The following GPC6 variants were observed in gnomAD, a reference collection of about 807,000 sequenced individuals.
GPC6 encodes the protein glypican 6, also known as glypican-6.
In GPC6, 14 loss-of-function variants were observed where a neutral mutation model predicts 55.2. That is an observed-to-expected ratio of 0.25 (90% confidence interval 0.17 to 0.40). The LOEUF is 0.40. Ranked by LOEUF, GPC6 falls within the 10% of genes least tolerant of loss-of-function variation. The pLI, the probability that GPC6 is intolerant of heterozygous loss-of-function variation, is 1.00. For synonymous variants in GPC6, 278 were observed against 259.6 expected (o/e 1.07, Z -0.68); for missense variants, 641 against 708.5 (o/e 0.90, Z 1.08).
At chr13:94,060,237 T>A (rs1183155237) in intron 4 of GPC6, among the ~76,000 whole-genome samples, 3 of 152,166 alleles carry the variant, frequency 2.0e-5, no homozygotes, top group South Asian at 2.1e-4. Context: ...CCTCTGCTTC[T>A]TTTATCCATA....
At chr13:93,846,877 C>T (rs1161555989) in intron 3 of GPC6, among the ~76,000 whole-genome samples, 7 of 152,060 alleles carry the variant, frequency 4.6e-5, no homozygotes, top group Admixed American at 4.6e-4. Context: ...GTGGCTATAG[C>T]TAAGGAATTA....
At chr13:94,023,680 C>T (rs146742879) in intron 3 of GPC6, among the ~76,000 whole-genome samples, 12 of 152,006 alleles carry the variant, frequency 7.9e-5, no homozygotes, top group East Asian at 3.9e-4. Flanking sequence ...TACATAAATC[C>T]GCATAGCAAC....
At chr13:93,540,282 T>C (rs879907442) in intron 1 of GPC6, among the ~76,000 whole-genome samples, 8 of 152,142 alleles carry the variant, frequency 5.3e-5, no homozygotes, top group Non-Finnish European at 8.8e-5. Flanking sequence ...TACAAAATAT[T>C]TTTATCATAC....
chr13:94,031,097 T>C (rs569689407), intron 4 of GPC6, among the ~76,000 whole-genome samples: 31 of 148,320 alleles, frequency 2.1e-4, no homozygotes, highest in African/African-American at 7.8e-4. Flanking sequence ...TGTGTGCGTG[T>C]GTGTGTGCGT....
chr13:93,292,213 A>T (rs1878341236), intron 1 of GPC6, among the ~76,000 whole-genome samples: 1 of 152,168 alleles, frequency 6.6e-6, no homozygotes, highest in African/African-American at 2.4e-5. Context: ...AGAGGGTGGA[A>T]ATTGAGATGT....
At chr13:93,739,431 C>CAT (rs1462119676) in intron 2 of GPC6, among the ~76,000 whole-genome samples, 6 of 107,902 alleles carry the variant, frequency 5.6e-5, no homozygotes, top group African/African-American at 2.1e-4. Context: ...TCTTCAAATA[C>CAT]ATTTTTTTTT....
chr13:94,079,200 G>A (rs970410056), intron 4 of GPC6, among the ~76,000 whole-genome samples: 9 of 151,820 alleles, frequency 5.9e-5, no homozygotes, highest in East Asian at 1.9e-4. Flanking sequence ...GAGAAATGGC[G>A]GATTTTTATA....
chr13:93,801,642 C>G (rs1467200446), intron 2 of GPC6, among the ~76,000 whole-genome samples: 1 of 151,742 alleles, frequency 6.6e-6, no homozygotes. Flanking sequence ...CCTATCCAAG[C>G]CAAAAAGAGA....
intron 2 of GPC6, among the ~76,000 whole-genome samples, chr13:93,761,141 A>C (rs1055377188): frequency 6.6e-6 from 1 of 152,200 alleles, no homozygotes; most frequent in East Asian, 1.9e-4. Flanking sequence ...ATTTTTGAAG[A>C]AAATGATCAG....
At chr13:94,195,580 C>T (rs1009224255) in intron 4 of GPC6, among the ~76,000 whole-genome samples, 3 of 152,184 alleles carry the variant, frequency 2.0e-5, no homozygotes, top group African/African-American at 7.2e-5. Flanking sequence ...TCTGCTTCCT[C>T]ATTCATAAAA....
intron 1 of GPC6, among the ~76,000 whole-genome samples, chr13:93,360,059 G>T (rs1048283167): frequency 2.0e-5 from 3 of 152,262 alleles, no homozygotes; most frequent in African/African-American, 7.2e-5. Context: ...GAACATGATT[G>T]TAAAGAAAAT....
intron 4 of GPC6, among the ~76,000 whole-genome samples, chr13:94,152,486 AT>A (rs1435642808): frequency 1.3e-5 from 2 of 152,100 alleles, no homozygotes; most frequent in East Asian, 3.9e-4. Flanking sequence ...TTAGAACTGT[AT>A]TTTTTATGAT....
At chr13:93,525,227 C>A (rs576314504) in intron 1 of GPC6, among the ~76,000 whole-genome samples, 1 of 152,200 alleles carries the variant, frequency 6.6e-6, no homozygotes, top group African/African-American at 2.4e-5. Context: ...ATGCTTTGAA[C>A]TTGCAAATTA....
At chr13:93,648,304 T>C (rs1263835805) in intron 2 of GPC6, among the ~76,000 whole-genome samples, 3 of 152,190 alleles carry the variant, frequency 2.0e-5, no homozygotes, top group African/African-American at 7.2e-5. Flanking sequence ...TCGTGTATCT[T>C]GATGAAAGAA....
intron 2 of GPC6, among the ~76,000 whole-genome samples, chr13:93,687,253 G>A (rs1882083995): frequency 6.6e-6 from 1 of 151,930 alleles, no homozygotes; most frequent in Non-Finnish European, 1.5e-5. Context: ...AATCAATTCT[G>A]TCCCCCTCAT....
At chr13:93,235,039 C>A (rs969685109) in intron 1 of GPC6, among the ~76,000 whole-genome samples, 21 of 152,070 alleles carry the variant, frequency 1.4e-4, no homozygotes, top group African/African-American at 5.1e-4. Flanking sequence ...AAATTTTTTA[C>A]CCTAATGGAG....
intron 6 of GPC6, among the ~76,000 whole-genome samples, chr13:94,306,464 C>T (rs1371150301): frequency 6.6e-6 from 1 of 152,168 alleles, no homozygotes; most frequent in Non-Finnish European, 1.5e-5. Context: ...TCATCTGCTT[C>T]AGTTCTTTTC....
At chr13:94,125,270 G>A (rs1372014155) in intron 4 of GPC6, among the ~76,000 whole-genome samples, 2 of 152,006 alleles carry the variant, frequency 1.3e-5, no homozygotes, top group Admixed American at 1.3e-4. Flanking sequence ...ACAATGTCTT[G>A]TATGAAACAT....
intron 4 of GPC6, among the ~76,000 whole-genome samples, chr13:94,274,803 GC>G (rs1892152124): frequency 2.0e-5 from 3 of 151,384 alleles, no homozygotes; most frequent in African/African-American, 7.3e-5. Flanking sequence ...AGCAAAAGCA[GC>G]CACACTTTTC....
Sources: allele counts gnomAD v4.1 joint callset (sites outside exome capture counted in the v4.1 genomes callset), GRCh38; gene constraint gnomAD v4.1.1; transcripts MANE v1.5; gene names NCBI Gene and HGNC (gene_info 2026-07-23, HGNC 2026-07-21).